Variants in SIGLEC15 observed in about 807,000 individuals in gnomAD.
SIGLEC15 encodes the protein sialic acid-binding Ig-like lectin 15.
A neutral mutation model predicts 26.2 loss-of-function variants in SIGLEC15; 31 were observed. The ratio of observed to expected loss-of-function variants is 1.18; its 90% confidence interval spans 0.89 to 1.60. The LOEUF (loss-of-function observed/expected upper bound fraction) is 1.60, where lower values mean the gene tolerates loss of function less well. Ranked by LOEUF, SIGLEC15 falls within the 40% of genes most tolerant of loss-of-function variation. SIGLEC15 has a pLI of 0.00. For synonymous variants in SIGLEC15, 207 were observed against 221.9 expected (o/e 0.93, Z 0.60); for missense variants, 501 against 488.4 (o/e 1.03, Z -0.24).
chr18:45,835,943 T>C (rs937217154), intron 1 of SIGLEC15, among the ~76,000 whole-genome samples: 3 of 152,206 alleles, frequency 2.0e-5, no homozygotes, highest in African/African-American at 7.2e-5. Flanking sequence ...AGGATAGTCA[T>C]GACAAGACCC....
chr18:45,837,868 C>T lies in SIGLEC15; in HGVS notation c.468C>T (p.Ser156=), dbSNP rs1411564031. The T allele has an allele frequency of 6.5e-7, 1 of 1,533,302 alleles. No homozygotes were observed. Among genetic ancestry groups the T allele is most frequent in the African/African-American group, 1.4e-5 (1 of 70,126 alleles). 95.0% of individuals were successfully genotyped at this position (1,533,302 alleles called of 1,614,324 possible). A position where few individuals can be genotyped will look rare whatever the true frequency, so the allele number is the denominator to read the frequency against. The change falls in exon 3 of 6, where the codon AGC becomes AGT. Residue 156 remains serine (S), a synonymous_variant. Coordinates refer to ENST00000389474, the MANE Select transcript of SIGLEC15 (RefSeq NM_213602.3). ...FAGDVHDRYE[S]RHGVRLHVTA... is the part of the protein sequence containing the mutation. ...GCGACGTCCATGACCGCTACGAGAG[C>T]CGCCACGGCGTCCGGCTGCACGTGA...
intron 1 of SIGLEC15, among the ~76,000 whole-genome samples, chr18:45,834,667 G>A (rs903589964): frequency 6.6e-6 from 1 of 152,250 alleles, no homozygotes; most frequent in Non-Finnish European, 1.5e-5. Flanking sequence ...AGCCCCAGCA[G>A]GCTGATAAGA....
chr18:45,839,198 G>GT lies in SIGLEC15; in HGVS notation c.874+110dup, dbSNP rs530219621. On this transcript the variant is annotated intron_variant, in intron 4 of 5. Coordinates refer to ENST00000389474, the MANE Select transcript of SIGLEC15 (RefSeq NM_213602.3). The stretch of plus-strand genomic sequence containing the variant: ...ACCCCCTGGCACTGCCAGAATGTCG[G>GT]TTTTTTTGCCCTATGCATCGTGGCG... 1.5e-3 allele frequency: 1,925 copies of GT among 1,317,316 alleles called. 29 individuals carry two copies. In the African/African-American group the frequency reaches 0.027, roughly 18 times the overall value. 81.6% of individuals were successfully genotyped at this position (1,317,316 alleles called of 1,614,324 possible).
rs56404391 is a variant in SIGLEC15, at chr18:45,830,583, CTTTTTTTTTTT to C, written c.52+4813_52+4823del. 1.6e-4 allele frequency among the ~76,000 whole-genome samples: 15 copies of C among 96,702 alleles called. 1 individual carries two copies. In the Admixed American group the frequency reaches 1.9e-3, roughly 12 times the overall value. 63.4% of individuals were successfully genotyped at this position (96,702 alleles called of 152,430 possible). On this transcript the variant is annotated intron_variant, in intron 1 of 5. Transcript: ENST00000389474. The stretch of plus-strand genomic sequence containing the variant: ...TTATTTTAGCTAGATATTTTTCTTT[CTTTTTTTTTTT>C]TTTTTTTTTGAGACGGAGTCTCGCT...
chr18:45,825,995 C>G (rs1477051998), intron 1 of SIGLEC15, among the ~76,000 whole-genome samples: 1 of 152,182 alleles, frequency 6.6e-6, no homozygotes, highest in Non-Finnish European at 1.5e-5. Context: ...ACAGGCACTC[C>G]ATGTCTCTGG....
intron 5 of SIGLEC15, chr18:45,840,899 C>G (rs2048319872): frequency 6.6e-6 from 1 of 152,354 alleles, no homozygotes; most frequent in African/African-American, 2.4e-5. Context: ...CACAACCTGT[C>G]CTGTGTCCCT....
chr18:45,837,046 A>G lies in SIGLEC15; in HGVS notation c.70A>G (p.Lys24Glu). The G allele has an allele frequency of 6.5e-7, 1 of 1,531,994 alleles. No individual in the cohort carries two copies. 94.9% of individuals were successfully genotyped at this position (1,531,994 alleles called of 1,614,324 possible). Reference sequence around the variant, plus strand: ...ATCTGTAGGCTCATTTGTGAGAACTAAAATAGATACTACGGAGAACTTGCT... The same window carrying G: ...ATCTGTAGGCTCATTTGTGAGAACTGAAATAGATACTACGGAGAACTTGCT... Reference protein sequence around the residue: ...VLPTGSFVRTKIDTTENLLNT... With the variant: ...VLPTGSFVRTEIDTTENLLNT... Residue 24 changes from lysine (K) to glutamate (E), a missense_variant, in exon 2 of 6, where the codon AAA becomes GAA. Physicochemically the swap from Lys to Glu is moderately conservative, Grantham distance 56. Coordinates refer to ENST00000389474, the MANE Select transcript of SIGLEC15 (RefSeq NM_213602.3).
At chr18:45,826,061 C>G (rs2048182928) in intron 1 of SIGLEC15, among the ~76,000 whole-genome samples, 1 of 152,162 alleles carries the variant, frequency 6.6e-6, no homozygotes, top group African/African-American at 2.4e-5. Context: ...CTGCGAGCAT[C>G]CAGAGGACAA....
At chr18:45,837,991 C>A in intron 3 of SIGLEC15, 95 bp downstream of exon 3, 1 of 1,361,810 alleles carries the variant, frequency 7.3e-7, no homozygotes, top group Non-Finnish European at 9.4e-7. Context: ...CTGTGCTGAG[C>A]CAGGAAGGGC....
At chr18:45,832,319 A>C (rs534494896) in intron 1 of SIGLEC15, among the ~76,000 whole-genome samples, 3 of 151,564 alleles carry the variant, frequency 2.0e-5, no homozygotes, top group Admixed American at 6.6e-5. Flanking sequence ...TGCCAGGCAC[A>C]GATTGGGTGC....
intron 1 of SIGLEC15, among the ~76,000 whole-genome samples, chr18:45,827,121 G>T (rs1418344001): frequency 6.6e-6 from 1 of 152,158 alleles, no homozygotes; most frequent in African/African-American, 2.4e-5. Flanking sequence ...TTGCCACGTT[G>T]TCCAGCCTGG....
In SIGLEC15 at chr18:45,843,900, A is replaced by G. The variant is rs1331682241; in HGVS notation, c.*1713A>G. On this transcript the variant is annotated 3_prime_UTR_variant, in exon 6 of 6. Transcript: ENST00000389474. ...CAAAGAAAAAAAAAGAAATAGAACT[A>G]CCATATGATCCAGTAATCCCACTGC... 6.6e-6 allele frequency: 1 copy of G among 152,132 alleles called. No individual in the cohort carries two copies. Among genetic ancestry groups the G allele is most frequent in the Admixed American group, 6.5e-5 (1 of 15,270 alleles). 9.4% of individuals were successfully genotyped at this position (152,132 alleles called of 1,614,324 possible).
chr18:45,837,919 C>CCCCGGCCTCCCTT, intron 3 of SIGLEC15, 23 bp downstream of exon 3: 1 of 1,466,406 alleles, frequency 6.8e-7, no homozygotes, highest in South Asian at 1.3e-5. Flanking sequence ...GGGAGCGGGT[C>CCCCGGCCTCCCTT]CCCGGCCTCC....
At chr18:45,832,204 A>G (rs2145043565) in intron 1 of SIGLEC15, among the ~76,000 whole-genome samples, 1 of 152,330 alleles carries the variant, frequency 6.6e-6, no homozygotes, top group African/African-American at 2.4e-5. Context: ...CCTCAATCCT[A>G]TGTGGAAGGT....
chr18:45,828,570 A>G (rs1389977545), intron 1 of SIGLEC15, among the ~76,000 whole-genome samples: 1 of 152,214 alleles, frequency 6.6e-6, no homozygotes, highest in Non-Finnish European at 1.5e-5. Context: ...TGTCATCTTC[A>G]GAACCCCTTG....
intron 4 of SIGLEC15, among the ~76,000 whole-genome samples, chr18:45,839,446 C>A (rs1015104485): frequency 5.9e-5 from 9 of 152,168 alleles, no homozygotes; most frequent in Non-Finnish European, 1.3e-4. Flanking sequence ...CTAAATAGCA[C>A]CGTTCCTGAG....
chr18:45,832,169 C>T (rs189297114), intron 1 of SIGLEC15, among the ~76,000 whole-genome samples: 41 of 152,368 alleles, frequency 2.7e-4, no homozygotes, highest in Non-Finnish European at 4.4e-4. Flanking sequence ...GTGTTCAGTG[C>T]TCTACATACG....
rs2048331249 is a variant in SIGLEC15, at chr18:45,842,291, C to T, written c.*104C>T. 1.5e-6 allele frequency: 2 copies of T among 1,315,410 alleles called. No individual in the cohort carries two copies. Among genetic ancestry groups the T allele is most frequent in the East Asian group, 2.4e-5 (1 of 42,540 alleles). The allele number at this position is 1,315,410 out of a possible 1,614,324, so 81.5% of individuals were successfully genotyped here. A position where few individuals can be genotyped will look rare whatever the true frequency, so the allele number is the denominator to read the frequency against. ...TCCTGGTTCTCGGGCACCTTGGCAG[C>T]CCCCAGCTGGGTGGCTCCTCCCCTG... is the stretch of plus-strand genomic sequence containing the variant. On this transcript the variant is annotated 3_prime_UTR_variant, in exon 6 of 6. Transcript: ENST00000389474.
chr18:45,825,833 A>C (rs1348971136), intron 1 of SIGLEC15, 53 bp downstream of exon 1: 1 of 1,592,992 alleles, frequency 6.3e-7, no homozygotes, highest in African/African-American at 1.3e-5. Flanking sequence ...TAGATGCTGA[A>C]AGCATCTTAG....
Sources: gnomAD v4.1 joint callset for allele counts (sites outside exome capture counted in the v4.1 genomes callset) on GRCh38, gnomAD v4.1.1 for gene constraint, MANE v1.5 for transcripts, NCBI Gene and HGNC (gene_info 2026-07-23, HGNC 2026-07-21) for gene names.